Variants in AGTPBP1 observed in about 807,000 individuals in gnomAD.
The protein encoded by AGTPBP1 is ATP/GTP binding carboxypeptidase 1.
AGTPBP1 carries 70 observed loss-of-function variants against 143.9 expected under a neutral mutation model. The ratio of observed to expected loss-of-function variants is 0.49; its 90% CI spans 0.40 to 0.59. AGTPBP1 has a LOEUF of 0.59. Among genes scored for constraint, AGTPBP1 ranks in the 20% least tolerant of loss-of-function variants. The pLI is 0.00. For synonymous variants in AGTPBP1, 463 were observed against 500.2 expected (o/e 0.93, Z 0.99); for missense variants, 1,229 against 1,464.5 (o/e 0.84, Z 2.62).
At chr9:85,768,561 T>TTGTGTG in the AGTPBP1 span, among the ~76,000 whole-genome samples, 2 of 152,222 alleles carry the variant, frequency 1.3e-5, no homozygotes, top group African/African-American at 4.8e-5. Flanking sequence ...ATTGGATAAT[T>TTGTGTG]CACTTTTATT....
chr9:85,564,950 T>C (rs1406915555), intron 25 of AGTPBP1, among the ~76,000 whole-genome samples: 2 of 152,202 alleles, frequency 1.3e-5, no homozygotes, highest in Non-Finnish European at 2.9e-5. Flanking sequence ...TGAAGGGTAA[T>C]GAACTGAATG....
chr9:85,618,940 G>C (rs1190311001), intron 17 of AGTPBP1, 43 bp downstream of exon 17: 2 of 1,558,192 alleles, frequency 1.3e-6, no homozygotes, highest in Non-Finnish European at 1.7e-6. Context: ...CCACAGTTAA[G>C]ATGCCTGCAT....
intron 21 of AGTPBP1, 117 bp from the exon 22 acceptor site, chr9:85,587,077 A>G: frequency 7.7e-7 from 1 of 1,294,544 alleles, no homozygotes; most frequent in Non-Finnish European, 1.0e-6. Flanking sequence ...TCCACTAAGC[A>G]TTTCAAATAG....
chr9:85,734,251 GAAAC>G (rs920322238), intron 1 of AGTPBP1, among the ~76,000 whole-genome samples: 3 of 151,766 alleles, frequency 2.0e-5, no homozygotes, highest in East Asian at 3.9e-4. Context: ...GACTCCGTCT[GAAAC>G]AAACAAACAA....
In AGTPBP1 at chr9:85,577,470, G is replaced by A. The variant is rs1166491782; in HGVS notation, c.3342+1450C>T. Among the ~76,000 whole-genome samples, 5 of 152,202 alleles carry A rather than the reference G, an allele frequency of 3.3e-5. No homozygotes were observed. The East Asian group carries it at 5.8e-4, about 18-fold the overall frequency. On this transcript the variant is annotated intron_variant, in intron 24 of 25. Transcript: ENST00000357081. Reference sequence around the variant, plus strand: ...ACAGTTGTCCACTGAAGCAATGATCGGGGACAGGGGCTGGAAGCTGGAGTG... The same window carrying A: ...ACAGTTGTCCACTGAAGCAATGATCAGGGACAGGGGCTGGAAGCTGGAGTG...
At chr9:85,716,191 C>T (rs1837694089) in intron 1 of AGTPBP1, among the ~76,000 whole-genome samples, 1 of 152,180 alleles carries the variant, frequency 6.6e-6, no homozygotes, top group Admixed American at 6.5e-5. Flanking sequence ...ATTCTCAGTC[C>T]TCATCTTATT....
At chr9:85,599,113 AC>A (rs1829494188) in intron 17 of AGTPBP1, among the ~76,000 whole-genome samples, 1 of 64,408 alleles carries the variant, frequency 1.6e-5, no homozygotes. Flanking sequence ...GTCACTGAAC[AC>A]ACACACACAC....
chr9:85,692,798 A>C lies in AGTPBP1; in HGVS notation c.48T>G (p.Ser16=), dbSNP rs1300963785. The change falls in exon 3 of 26, where the codon TCT becomes TCG. Residue 16 remains serine (S), a synonymous_variant. Coordinates refer to ENST00000357081, the MANE Select transcript of AGTPBP1 (RefSeq NM_001330701.2). ...VIPEKSLTNN[S]RIVGLLAQLE... ...GTTGAGCCAGGAGTCCTACGATCCT[A>C]GAATTATTGGTAAGGCTAAAAAGAA... 2 of 1,613,588 alleles carry C rather than the reference A, an allele frequency of 1.2e-6. No homozygotes were observed. Among genetic ancestry groups the C allele is most frequent in the Non-Finnish European group, 1.7e-6 (2 of 1,179,854 alleles).
rs549921900 is a variant in AGTPBP1 at position 85,658,346 on chromosome 9, T to C, written c.701-703A>G. On this transcript the variant is annotated intron_variant, in intron 9 of 25. Coordinates refer to ENST00000357081, the MANE Select transcript of AGTPBP1 (RefSeq NM_001330701.2). ...AGGTTTTTGTAAATACTCAATTTTATTGGAGTAGAATTAACAAATAAATCC... is the reference window on the plus strand; with the variant it reads ...AGGTTTTTGTAAATACTCAATTTTACTGGAGTAGAATTAACAAATAAATCC... 8.5e-5 allele frequency among the ~76,000 whole-genome samples: 13 copies of C among 152,300 alleles called. No homozygotes were observed. In the Middle Eastern group the frequency reaches 0.014, roughly 160 times the overall value.
chr9:85,676,680 C>T (rs892910032), intron 6 of AGTPBP1, among the ~76,000 whole-genome samples: 1 of 152,172 alleles, frequency 6.6e-6, no homozygotes, highest in African/African-American at 2.4e-5. Flanking sequence ...AGCAGTCCTA[C>T]TGTTGGGTAT....
At chr9:85,612,887 T>C (rs1830402362) in intron 17 of AGTPBP1, among the ~76,000 whole-genome samples, 1 of 151,778 alleles carries the variant, frequency 6.6e-6, no homozygotes, top group Non-Finnish European at 1.5e-5. Flanking sequence ...AACAGGTTTT[T>C]TTTTTTTCTC....
At chr9:85,706,238 C>G (rs62570565) in intron 2 of AGTPBP1, among the ~76,000 whole-genome samples, 3 of 151,804 alleles carry the variant, frequency 2.0e-5, no homozygotes, top group East Asian at 3.9e-4. Flanking sequence ...ATAGGCCAGG[C>G]ACAATGGCTC....
chr9:85,757,031 A>ATTGT, the AGTPBP1 span, among the ~76,000 whole-genome samples: 6 of 151,956 alleles, frequency 3.9e-5, no homozygotes, highest in African/African-American at 1.2e-4. Context: ...TGTAAAATTG[A>ATTGT]TTGTGGTGAT....
At chr9:85,618,574 T>G (rs1447967842) in intron 17 of AGTPBP1, among the ~76,000 whole-genome samples, 1 of 151,672 alleles carries the variant, frequency 6.6e-6, no homozygotes, top group Non-Finnish European at 1.5e-5. Flanking sequence ...TTTTAATAAA[T>G]AAATCCCACT....
chr9:85,787,311 G>C, the AGTPBP1 span, among the ~76,000 whole-genome samples: 2 of 151,934 alleles, frequency 1.3e-5, no homozygotes, highest in Non-Finnish European at 2.9e-5. Flanking sequence ...CTGTTCCATG[G>C]AACACGGAAA....
At chr9:85,715,159 A>G (rs1025066050) in intron 1 of AGTPBP1, among the ~76,000 whole-genome samples, 1 of 152,056 alleles carries the variant, frequency 6.6e-6, no homozygotes, top group South Asian at 2.1e-4. Context: ...AGGCAGGAGA[A>G]TCACTTGAAC....
Position 85,678,315 on chromosome 9 carries a change from C to T in AGTPBP1, c.289+20G>A. On this transcript the variant is annotated intron_variant, in intron 5 of 25. Coordinates refer to ENST00000357081, the MANE Select transcript of AGTPBP1 (RefSeq NM_001330701.2). ...TCACTGTTTAGAAACAGAAATTAGA[C>T]CAAAGAAACAAAAACTTACCAGCTG... 1 of 1,559,570 alleles carries T rather than the reference C, an allele frequency of 6.4e-7. No homozygotes were observed. The highest frequency in any genetic ancestry group is 8.8e-7 in the Non-Finnish European group (1 of 1,141,850).
chr9:85,718,174 ACT>A (rs1837844875), intron 1 of AGTPBP1, among the ~76,000 whole-genome samples: 1 of 152,154 alleles, frequency 6.6e-6, no homozygotes, highest in South Asian at 2.1e-4. Context: ...CATGATTTAT[ACT>A]CTGAGTATAT....
chr9:85,606,130 A>C (rs1829975062), intron 17 of AGTPBP1, among the ~76,000 whole-genome samples: 1 of 152,104 alleles, frequency 6.6e-6, no homozygotes, highest in East Asian at 1.9e-4. Flanking sequence ...CGAATGGGAG[A>C]AAATATTTAC....
Sources: gnomAD v4.1 joint callset for allele counts (sites outside exome capture counted in the v4.1 genomes callset) on GRCh38, gnomAD v4.1.1 for gene constraint, MANE v1.5 for transcripts, NCBI Gene and HGNC (gene_info 2026-07-23, HGNC 2026-07-21) for gene names.